Variants in ACTR3C observed in about 807,000 individuals in gnomAD.
ACTR3C encodes actin-related protein 3C.
In ACTR3C, 18 loss-of-function variants were observed where a neutral mutation model predicts 26.3. The observed-to-expected ratio is 0.68, with a 90% CI of 0.47 to 1.01. ACTR3C has a LOEUF of 1.01. Among genes scored for constraint, ACTR3C ranks in the 50% least tolerant of loss-of-function variants. The probability of loss-of-function intolerance (pLI) is 0.00; values close to 1 mark genes in which losing one functional copy is unlikely to be tolerated. For synonymous variants in ACTR3C, 55 were observed against 94.5 expected, an observed-to-expected ratio of 0.58 and a Z score of 2.42; for missense variants, 184 against 250.7, an observed-to-expected ratio of 0.73 and a Z score of 1.80.
At chr7:150,010,586 C>G in the ACTR3C span, among the ~76,000 whole-genome samples, 5 of 150,812 alleles carry the variant, frequency 3.3e-5, no homozygotes, top group African/African-American at 1.2e-4. Flanking sequence ...GCCAGCTACT[C>G]AGGAGGCTGA....
chr7:150,012,332 T>TTTTTTTTTTTTTTA, the ACTR3C span, among the ~76,000 whole-genome samples: 1 of 148,482 alleles, frequency 6.7e-6, no homozygotes, highest in African/African-American at 2.5e-5. Context: ...TTTTTTTTTT[T>TTTTTTTTTTTTTTA]GAGACGGAGT....
chr7:150,017,137 G>A, the ACTR3C span, among the ~76,000 whole-genome samples: 1 of 151,988 alleles, frequency 6.6e-6, no homozygotes, highest in Non-Finnish European at 1.5e-5. Flanking sequence ...TAGGGTCAGA[G>A]TATTCACAGC....
chr7:150,073,450 T>C, the ACTR3C span, among the ~76,000 whole-genome samples: 1 of 150,414 alleles, frequency 6.6e-6, no homozygotes, highest in Admixed American at 6.6e-5. Context: ...TGGTGGGAAG[T>C]GAGCTAGCCG....
At chr7:150,309,033 C>A (rs1796055660) in intron 1 of ACTR3C, among the ~76,000 whole-genome samples, 1 of 152,128 alleles carries the variant, frequency 6.6e-6, no homozygotes, top group Non-Finnish European at 1.5e-5. Context: ...AGAGTTTATA[C>A]CCTAGCCCAT....
At chr7:149,981,809 A>G in the ACTR3C span, among the ~76,000 whole-genome samples, 2 of 152,244 alleles carry the variant, frequency 1.3e-5, no homozygotes, top group East Asian at 3.9e-4. Context: ...AAGTACCCTC[A>G]CCTGGAGAAG....
the ACTR3C span, among the ~76,000 whole-genome samples, chr7:149,907,308 G>C: frequency 0.019 from 2,052 of 110,376 alleles, 69 homozygotes; most frequent in African/African-American, 0.066. Flanking sequence ...CCAGCACTCA[G>C]CACACACATC....
the ACTR3C span, among the ~76,000 whole-genome samples, chr7:150,184,605 T>G: frequency 6.6e-6 from 1 of 150,460 alleles, no homozygotes; most frequent in Non-Finnish European, 1.5e-5. Flanking sequence ...TAGAGAGATA[T>G]TAACACTTTT....
chr7:150,045,729 T>A, the ACTR3C span, among the ~76,000 whole-genome samples: 4 of 152,172 alleles, frequency 2.6e-5, no homozygotes, highest in South Asian at 8.3e-4. Flanking sequence ...AGGACATGTA[T>A]ACTCCAAGTT....
the ACTR3C span, among the ~76,000 whole-genome samples, chr7:150,128,170 A>C: frequency 2.6e-5 from 4 of 151,004 alleles, no homozygotes; most frequent in African/African-American, 9.8e-5. Flanking sequence ...TGAACATAGC[A>C]CATGTCCACG....
the ACTR3C span, among the ~76,000 whole-genome samples, chr7:150,042,984 C>T: frequency 6.6e-6 from 1 of 151,270 alleles, no homozygotes; most frequent in South Asian, 2.1e-4. Context: ...CGGGTCCCCG[C>T]CCCCTTTGTG....
chr7:149,919,812 A>T, the ACTR3C span, among the ~76,000 whole-genome samples: 1 of 151,678 alleles, frequency 6.6e-6, no homozygotes, highest in African/African-American at 2.4e-5. Context: ...AGGTATACAA[A>T]GTCTGTTTTT....
At chr7:150,081,729 C>T in the ACTR3C span, among the ~76,000 whole-genome samples, 1 of 151,182 alleles carries the variant, frequency 6.6e-6, no homozygotes, top group Non-Finnish European at 1.5e-5. Context: ...AAGGGCTGTA[C>T]TTAAAACTTT....
chr7:150,177,097 A>G, the ACTR3C span, among the ~76,000 whole-genome samples: 2 of 145,522 alleles, frequency 1.4e-5, no homozygotes, highest in South Asian at 4.2e-4. Flanking sequence ...GCACACCCGG[A>G]CTTTTAAGAG....
At chr7:150,159,454 G>A in the ACTR3C span, among the ~76,000 whole-genome samples, 1 of 152,152 alleles carries the variant, frequency 6.6e-6, no homozygotes, top group African/African-American at 2.4e-5. Context: ...AGTAGGCAAA[G>A]GCGGAAGGTA....
chr7:150,014,455 C>CAAA, the ACTR3C span, among the ~76,000 whole-genome samples: 1 of 111,674 alleles, frequency 9.0e-6, no homozygotes, highest in Non-Finnish European at 1.9e-5. Flanking sequence ...GACTCCGTCT[C>CAAA]AAAAAAAAAA....
chr7:150,102,921 T>A, the ACTR3C span, among the ~76,000 whole-genome samples: 1 of 152,090 alleles, frequency 6.6e-6, no homozygotes, highest in South Asian at 2.1e-4. Context: ...CAGTGCTGCA[T>A]GTAGTAGACG....
intron 2 of ACTR3C, among the ~76,000 whole-genome samples, chr7:150,295,045 C>A (rs146196634): frequency 0.012 from 1,788 of 152,014 alleles, 34 homozygotes; most frequent in African/African-American, 0.041. Context: ...AGCCAGACGA[C>A]GTCTATACCA....
the ACTR3C span, among the ~76,000 whole-genome samples, chr7:150,213,203 G>A: frequency 1.3e-5 from 2 of 152,168 alleles, no homozygotes; most frequent in Non-Finnish European, 2.9e-5. Context: ...TTCTTAGCAG[G>A]ACTCTGGTTC....
At chr7:149,925,043 C>T in the ACTR3C span, among the ~76,000 whole-genome samples, 1 of 152,002 alleles carries the variant, frequency 6.6e-6, no homozygotes, top group Non-Finnish European at 1.5e-5. Flanking sequence ...CCATGAAAAA[C>T]CACCATGTAA....
Sources: allele counts gnomAD v4.1 joint callset (sites outside exome capture counted in the v4.1 genomes callset), GRCh38; gene constraint gnomAD v4.1.1; transcripts MANE v1.5; gene names NCBI Gene and HGNC (gene_info 2026-07-23, HGNC 2026-07-21).